Variants in ZNF519 observed in about 807,000 individuals in gnomAD.
ZNF519 encodes similar to Zinc finger protein 85 (Zinc finger protein HPF4) (HTF1).
A neutral mutation model predicts 7.4 loss-of-function variants in ZNF519; 7 were observed. The observed-to-expected ratio is 0.94, with a 90% confidence interval of 0.54 to 1.77. ZNF519 has a LOEUF of 1.77. ZNF519 is among the 40% of genes most tolerant of loss of function. The probability of loss-of-function intolerance (pLI) is 0.00; values close to 1 mark genes in which losing one functional copy is unlikely to be tolerated. For missense variants in ZNF519, 586 were observed against 623.1 expected (o/e 0.94, Z 0.63); for synonymous variants, 179 against 203.3 (o/e 0.88, Z 1.02).
chr18:14,120,476 G>C (rs2046265224), intron 2 of ZNF519, among the ~76,000 whole-genome samples: 1 of 152,096 alleles, frequency 6.6e-6, no homozygotes, highest in Non-Finnish European at 1.5e-5. Flanking sequence ...TGTTGATATT[G>C]GTCTTGGCAA....
At chr18:14,092,816 A>C (rs879427732) in intron 2 of ZNF519, among the ~76,000 whole-genome samples, 1 of 152,166 alleles carries the variant, frequency 6.6e-6, no homozygotes, top group Non-Finnish European at 1.5e-5. Flanking sequence ...TTAGCCTATA[A>C]AATTTACAGA....
chr18:14,130,450 A>T (rs973049910), intron 1 of ZNF519, among the ~76,000 whole-genome samples: 5 of 152,096 alleles, frequency 3.3e-5, no homozygotes, highest in Admixed American at 1.3e-4. Context: ...ATTTACAGTT[A>T]ATTAAAAAAA....
chr18:14,125,262 C>G (rs1226340554), intron 1 of ZNF519, among the ~76,000 whole-genome samples: 1 of 152,160 alleles, frequency 6.6e-6, no homozygotes, highest in African/African-American at 2.4e-5. Flanking sequence ...TTTACAAAGG[C>G]AGGAGATAAT....
downstream of ZNF519, chr18:14,075,730 C>G (rs549893622): frequency 6.6e-6 from 1 of 152,146 alleles, no homozygotes; most frequent in Non-Finnish European, 1.5e-5. Context: ...TGCCACATCC[C>G]TAGAGGACAT....
rs1348769394 is a variant in ZNF519 at position 14,101,340 on chromosome 18, A to G, written c.*3577T>C. The G allele has an allele frequency of 5.3e-6, 1 of 190,140 alleles. No individual in the cohort carries two copies. The highest frequency in any genetic ancestry group is 1.2e-4 in the East Asian group (1 of 8,306). 11.8% of individuals were successfully genotyped at this position (190,140 alleles called of 1,614,324 possible). ...TTAGGGCTGATTTATTTCCGCACTCAGAGGGATAAAGGGGGGCCAATTAAA... is the reference window on the plus strand; with the variant it reads ...TTAGGGCTGATTTATTTCCGCACTCGGAGGGATAAAGGGGGGCCAATTAAA... On this transcript the variant is annotated 3_prime_UTR_variant, in exon 3 of 3. Transcript: ENST00000590202.
At chr18:14,092,066 A>G (rs1333840008) in intron 2 of ZNF519, among the ~76,000 whole-genome samples, 1 of 152,174 alleles carries the variant, frequency 6.6e-6, no homozygotes, top group Non-Finnish European at 1.5e-5. Flanking sequence ...GGTAAAGCAG[A>G]GAGACCAGCT....
At chr18:14,073,491 G>A (rs2046036231), downstream of ZNF519, 1 of 152,160 alleles carries the variant, frequency 6.6e-6, no homozygotes, top group Non-Finnish European at 1.5e-5. Context: ...GGCTGGTCTT[G>A]AACTTCTGAC....
At chr18:14,131,792 T>C (rs2046331665) in intron 1 of ZNF519, among the ~76,000 whole-genome samples, 2 of 152,170 alleles carry the variant, frequency 1.3e-5, no homozygotes, top group African/African-American at 4.8e-5. Flanking sequence ...CTTTGCTTCC[T>C]CACACACCTT....
chr18:14,079,805 AAGAT>A (rs1365665772), intron 3 of ZNF519, among the ~76,000 whole-genome samples: 1 of 152,212 alleles, frequency 6.6e-6, no homozygotes, highest in Non-Finnish European at 1.5e-5. Context: ...AAATTCCTAA[AAGAT>A]AGCACACAGG....
rs761179975 is a variant in ZNF519 at position 14,106,268 on chromosome 18, C to T, written c.272G>A (p.Gly91Asp). Reference protein sequence around the residue: ...LWKNWESIGEGEGQKECYNLC... With the variant: ...LWKNWESIGEDEGQKECYNLC... ...ATTATAACATTCCTTTTGTCCTTCA[C>T]CTTCACCTATACTTTCCCAGTTTTT... The change falls in exon 3 of 3, where the codon GGT becomes GAT. Residue 91 changes from glycine (G) to aspartate (D), a missense_variant. Physicochemically the swap from Gly to Asp is moderately conservative, Grantham distance 94 (BLOSUM62 -1). Coordinates refer to ENST00000590202, the MANE Select transcript of ZNF519 (RefSeq NM_145287.4). 1.2e-6 allele frequency: 2 copies of T among 1,613,320 alleles called. No individual in the cohort carries two copies. Among genetic ancestry groups the T allele is most frequent in the Admixed American group, 3.3e-5 (2 of 59,856 alleles).
chr18:14,092,702 T>C (rs2046119425), intron 2 of ZNF519, among the ~76,000 whole-genome samples: 1 of 152,158 alleles, frequency 6.6e-6, no homozygotes, highest in Non-Finnish European at 1.5e-5. Context: ...TATGTATGTG[T>C]GTCCACACAC....
At chr18:14,132,201 C>A (rs1327755623) in intron 1 of ZNF519, 74 bp downstream of exon 1, 17 of 1,569,582 alleles carry the variant, frequency 1.1e-5, no homozygotes, top group African/African-American at 1.4e-5. Context: ...AGACTAGGTC[C>A]CGTCACCGCC....
At chr18:14,108,437 T>A (rs1025867184) in intron 2 of ZNF519, among the ~76,000 whole-genome samples, 4 of 152,076 alleles carry the variant, frequency 2.6e-5, no homozygotes, top group African/African-American at 9.7e-5. Flanking sequence ...TCTAAACCCA[T>A]AAAAATCCTG....
intron 3 of ZNF519, among the ~76,000 whole-genome samples, chr18:14,084,540 C>T (rs950664023): frequency 6.6e-6 from 1 of 152,116 alleles, no homozygotes; most frequent in African/African-American, 2.4e-5. Flanking sequence ...ACTGACCCCC[C>T]ACTTCAAGTT....
chr18:14,081,777 A>G (rs527513345), intron 3 of ZNF519, among the ~76,000 whole-genome samples: 3 of 152,310 alleles, frequency 2.0e-5, no homozygotes, highest in African/African-American at 7.2e-5. Context: ...AATAAAGTAT[A>G]TTAAAAATAA....
At chr18:14,083,206 C>T (rs146587501) in intron 3 of ZNF519, among the ~76,000 whole-genome samples, 2,393 of 152,114 alleles carry the variant, frequency 0.016, 66 homozygotes, top group African/African-American at 0.055. Context: ...AAAAATCAGC[C>T]GGGCGTGGTG....
chr18:14,128,690 AACACACACAC>A (rs71366097), intron 1 of ZNF519, among the ~76,000 whole-genome samples: 32,735 of 130,646 alleles, frequency 0.25, 4,499 homozygotes, highest in East Asian at 0.4. Flanking sequence ...TTCTGAGTCA[AACACACACAC>A]ACACACACAC....
Position 14,106,214 on chromosome 18 carries a change from T to C in ZNF519, c.326A>G (p.His109Arg), listed in dbSNP as rs2046190813. 5.0e-6 allele frequency: 8 copies of C among 1,613,298 alleles called. 1 individual carries two copies. The South Asian group carries it at 8.8e-5, about 18-fold the overall frequency. ...NLCSQYLTTS[H>R]NKHLTVKGDK... Reference sequence around the variant, plus strand: ...TCCTTTCACAGTTAAATGTTTGTTATGACTAGTTGTCAAATATTGGCTACA... The same window carrying C: ...TCCTTTCACAGTTAAATGTTTGTTACGACTAGTTGTCAAATATTGGCTACA... The change falls in exon 3 of 3, where the codon CAT (histidine) becomes CGT (arginine). Residue 109 changes from histidine to arginine, a missense_variant. By Grantham distance (29) the His-to-Arg change is conservative. Transcript: ENST00000590202.
rs920234180 is a variant in ZNF519 at position 14,122,822 on chromosome 18, C to T, written c.130+1528G>A. ...TACTTTAAGTTCTAGGGTGCATGTGCACAACATGCAGGTTTGTTACATACG... is the reference window on the plus strand; with the variant it reads ...TACTTTAAGTTCTAGGGTGCATGTGTACAACATGCAGGTTTGTTACATACG... On this transcript the variant is annotated intron_variant, in intron 2 of 2. Transcript: ENST00000590202. 5.9e-5 allele frequency among the ~76,000 whole-genome samples: 9 copies of T among 151,650 alleles called. 1 individual carries two copies. The highest frequency in any genetic ancestry group is 2.2e-4 in the African/African-American group (9 of 41,198).
Sources: gnomAD v4.1 joint callset for allele counts (sites outside exome capture counted in the v4.1 genomes callset) on GRCh38, gnomAD v4.1.1 for gene constraint, MANE v1.5 for transcripts, NCBI Gene and HGNC (gene_info 2026-07-23, HGNC 2026-07-21) for gene names.